SEMA6D: variants seen among roughly 807,000 people sequenced by gnomAD.
SEMA6D encodes the protein semaphorin 6D.
A neutral mutation model predicts 106.6 loss-of-function variants in SEMA6D; 35 were observed. The observed-to-expected ratio is 0.33, with a 90% CI of 0.25 to 0.44. The LOEUF is 0.44. Ranked by LOEUF, SEMA6D falls within the 20% of genes least tolerant of loss-of-function variation. SEMA6D has a pLI of 1.00. For synonymous variants in SEMA6D, 499 were observed against 487.7 expected (o/e 1.02, Z -0.31); for missense variants, 1,185 against 1,345.9 (o/e 0.88, Z 1.87).
intron 1 of SEMA6D, among the ~76,000 whole-genome samples, chr15:47,329,611 T>TG (rs1595744982): frequency 2.0e-5 from 3 of 152,210 alleles, no homozygotes; most frequent in African/African-American, 7.2e-5. Context: ...ATTTAGTTCT[T>TG]GCGTTTTCCT....
At chr15:47,648,842 C>T (rs1566959346) in intron 4 of SEMA6D, among the ~76,000 whole-genome samples, 1 of 151,960 alleles carries the variant, frequency 6.6e-6, no homozygotes, top group African/African-American at 2.4e-5. Context: ...CAGAAATATC[C>T]CACAGGAACT....
intron 2 of SEMA6D, among the ~76,000 whole-genome samples, chr15:47,449,859 A>G (rs1496916): frequency 0.12 from 17,802 of 152,162 alleles, 1,424 homozygotes; most frequent in Middle Eastern, 0.19. Flanking sequence ...CATATTTATA[A>G]TAAGTATTAG....
At chr15:47,312,193 A>G (rs1234051598) in intron 1 of SEMA6D, among the ~76,000 whole-genome samples, 1 of 142,058 alleles carries the variant, frequency 7.0e-6, no homozygotes, top group African/African-American at 2.6e-5. Context: ...AAAACACTTC[A>G]TTTTGCTGCT....
chr15:47,576,113 A>C (rs2142980573), intron 3 of SEMA6D, among the ~76,000 whole-genome samples: 1 of 152,348 alleles, frequency 6.6e-6, no homozygotes, highest in South Asian at 2.1e-4. Context: ...TTTTCTTTTA[A>C]GTTTCAGGAA....
intron 1 of SEMA6D, among the ~76,000 whole-genome samples, chr15:47,728,986 A>G: frequency 6.6e-6 from 1 of 152,144 alleles, no homozygotes. Flanking sequence ...AAGGCAGCAT[A>G]TTTACCCATT....
intron 3 of SEMA6D, among the ~76,000 whole-genome samples, chr15:47,576,184 A>G (rs2076153693): frequency 6.6e-6 from 1 of 152,216 alleles, no homozygotes; most frequent in South Asian, 2.1e-4. Flanking sequence ...TTCAGAAACT[A>G]TATTGGAATT....
rs1158609705 is a variant in SEMA6D, at chr15:47,764,194, G to C, written c.986G>C (p.Cys329Ser). 2.5e-6 allele frequency: 4 copies of C among 1,613,742 alleles called. No individual in the cohort carries two copies. The highest frequency in any genetic ancestry group is 3.4e-6 in the Non-Finnish European group (4 of 1,179,788). Reference sequence around the variant, plus strand: ...TTCAGCATCCCTGGTTCTGCTGTCTGTGCATTTAGCATGGATGACATTGAA... The same window carrying C: ...TTCAGCATCCCTGGTTCTGCTGTCTCTGCATTTAGCATGGATGACATTGAA... ...QLNSIPGSAV[C>S]AFSMDDIEKV... The change falls in exon 11 of 19, where the codon TGT becomes TCT. Residue 329 changes from cysteine to serine, a missense_variant. Physicochemically the swap from Cys to Ser is moderately radical, Grantham distance 112 (BLOSUM62 -1). Transcript: ENST00000536845.
At chr15:47,284,726 A>G (rs1304722565) in intron 1 of SEMA6D, among the ~76,000 whole-genome samples, 1 of 152,184 alleles carries the variant, frequency 6.6e-6, no homozygotes, top group South Asian at 2.1e-4. Context: ...TCAATTTCTT[A>G]TATTTTCTAG....
At chr15:47,462,184 A>T (rs116445657) in intron 2 of SEMA6D, among the ~76,000 whole-genome samples, 6 of 151,784 alleles carry the variant, frequency 4.0e-5, no homozygotes, top group Non-Finnish European at 8.8e-5. Context: ...GCCTTTTGCT[A>T]TTTTTGTTGT....
At chr15:47,241,294 A>G (rs566557022) in intron 1 of SEMA6D, 43 of 152,314 alleles carry the variant, frequency 2.8e-4, no homozygotes, top group Non-Finnish European at 5.9e-4. Context: ...ATCAGAGTCC[A>G]TCCTTGAATT....
At chr15:47,758,343 A>G (rs2081878670) in intron 1 of SEMA6D, among the ~76,000 whole-genome samples, 1 of 152,060 alleles carries the variant, frequency 6.6e-6, no homozygotes, top group Non-Finnish European at 1.5e-5. Context: ...ATTTGCAGTG[A>G]CTCTCATGAT....
chr15:47,680,373 T>C (rs1233552242), intron 4 of SEMA6D, among the ~76,000 whole-genome samples: 1 of 152,168 alleles, frequency 6.6e-6, no homozygotes, highest in Non-Finnish European at 1.5e-5. Context: ...TTTCTCATCT[T>C]TGGGGTCACT....
chr15:47,378,669 A>G (rs529892683), intron 1 of SEMA6D, among the ~76,000 whole-genome samples: 14 of 152,338 alleles, frequency 9.2e-5, no homozygotes, highest in Admixed American at 6.5e-4. Flanking sequence ...CTAAGGTGCT[A>G]TGGTTTGGAA....
chr15:47,551,247 T>G (rs948953705), intron 3 of SEMA6D, among the ~76,000 whole-genome samples: 1 of 151,970 alleles, frequency 6.6e-6, no homozygotes, highest in Admixed American at 6.6e-5. Flanking sequence ...ACTCAGAGAG[T>G]TTGTGCATTG....
intron 3 of SEMA6D, among the ~76,000 whole-genome samples, chr15:47,515,856 TG>T (rs1388668042): frequency 6.6e-6 from 1 of 152,186 alleles, no homozygotes; most frequent in Non-Finnish European, 1.5e-5. Flanking sequence ...GTGGGCCAGA[TG>T]TGGAGCAGAA....
At chr15:47,766,038 G>A in intron 14 of SEMA6D, 29 bp downstream of exon 14, 3 of 1,609,250 alleles carry the variant, frequency 1.9e-6, no homozygotes, top group South Asian at 2.2e-5. Context: ...ACTTACCCTG[G>A]GTCTTGCAGT....
At chr15:47,202,283 C>G (rs1234017188) in intron 1 of SEMA6D, among the ~76,000 whole-genome samples, 2 of 151,916 alleles carry the variant, frequency 1.3e-5, no homozygotes, top group Non-Finnish European at 2.9e-5. Context: ...AGGCGGTCTC[C>G]CAATAAATAG....
At chr15:47,226,363 A>G (rs2031666521) in intron 1 of SEMA6D, among the ~76,000 whole-genome samples, 1 of 152,056 alleles carries the variant, frequency 6.6e-6, no homozygotes, top group South Asian at 2.1e-4. Context: ...TTTGTTATGG[A>G]AGACCTAGAA....
rs187070394 is a variant in SEMA6D, at chr15:47,266,612, G to A, written c.-239+82194G>A. Among the ~76,000 whole-genome samples the A allele has an allele frequency of 4.4e-4, 67 of 152,168 alleles. 1 individual carries two copies. Among genetic ancestry groups the A allele is most frequent in the South Asian group, 3.7e-3 (18 of 4,818 alleles). The stretch of plus-strand genomic sequence containing the variant: ...CAGACCTTCCATCCCACAAATAGAG[G>A]CTGGGCAGAAGAAGGGAACCCCTAT... On this transcript the variant is annotated intron_variant, in intron 1 of 19. Coordinates refer to the SEMA6D transcript ENST00000558014.
Sources: gnomAD v4.1 joint callset for allele counts (sites outside exome capture counted in the v4.1 genomes callset) on GRCh38, gnomAD v4.1.1 for gene constraint, MANE v1.5 for transcripts, NCBI Gene and HGNC (gene_info 2026-07-23, HGNC 2026-07-21) for gene names.